NFATC2: variants seen among roughly 807,000 people sequenced by gnomAD.
The protein encoded by NFATC2 is nuclear factor of activated T-cells, cytoplasmic 2.
Under a neutral mutation model 87.3 loss-of-function variants are expected in NFATC2, and 22 were observed. The observed-to-expected ratio is 0.25, with a 90% CI of 0.18 to 0.36. The LOEUF is 0.36. Among genes scored for constraint, NFATC2 ranks in the 10% least tolerant of loss-of-function variants. The probability of loss-of-function intolerance (pLI) is 1.00; values close to 1 mark genes in which losing one functional copy is unlikely to be tolerated. For missense variants in NFATC2, 1,149 were observed against 1,259.1 expected (o/e 0.91, Z 1.32); for synonymous variants, 565 against 542.2 (o/e 1.04, Z -0.58).
At chr20:51,488,626 C>G (rs1052878584) in intron 3 of NFATC2, among the ~76,000 whole-genome samples, 2 of 151,902 alleles carry the variant, frequency 1.3e-5, no homozygotes, top group Admixed American at 6.5e-5. Flanking sequence ...GAAACCCTAT[C>G]CCTTGTCCAT....
At chr20:51,440,236 C>CAAAAAAAAAAAAAAAAAA (rs34071345) in intron 6 of NFATC2, among the ~76,000 whole-genome samples, 2 of 97,206 alleles carry the variant, frequency 2.1e-5, no homozygotes, top group African/African-American at 5.0e-5. Flanking sequence ...AACTCCATCT[C>CAAAAAAAAAAAAAAAAAA]AAAAAAAAAA....
At chr20:51,456,507 G>T (rs930798101) in intron 5 of NFATC2, among the ~76,000 whole-genome samples, 1 of 152,196 alleles carries the variant, frequency 6.6e-6, no homozygotes, top group Non-Finnish European at 1.5e-5. Flanking sequence ...AAGCCAGGCT[G>T]CAGAAAAGAA....
intron 3 of NFATC2, among the ~76,000 whole-genome samples, chr20:51,497,894 G>A (rs1022636021): frequency 6.6e-6 from 1 of 152,044 alleles, no homozygotes; most frequent in African/African-American, 2.4e-5. Flanking sequence ...AGCCCCCGGG[G>A]GAACTCAGAG....
intron 9 of NFATC2, among the ~76,000 whole-genome samples, chr20:51,427,897 G>A (rs1447816475): frequency 2.0e-5 from 3 of 152,194 alleles, no homozygotes; most frequent in Non-Finnish European, 4.4e-5. Flanking sequence ...CTTACTTACT[G>A]CCTTCCATGC....
chr20:51,551,268 C>CA (rs917288980), intron 1 of NFATC2, among the ~76,000 whole-genome samples: 64 of 149,960 alleles, frequency 4.3e-4, no homozygotes, highest in South Asian at 4.0e-3. Context: ...AAAATGAATG[C>CA]AAAAAAAAAT....
chr20:51,484,697 T>A (rs534860190), intron 3 of NFATC2, among the ~76,000 whole-genome samples: 2 of 152,350 alleles, frequency 1.3e-5, no homozygotes, highest in South Asian at 4.1e-4. Context: ...GCGACCATTG[T>A]GTCACAGAGC....
At chr20:51,537,774 A>G (rs2076744114) in intron 1 of NFATC2, among the ~76,000 whole-genome samples, 1 of 151,950 alleles carries the variant, frequency 6.6e-6, no homozygotes, top group Non-Finnish European at 1.5e-5. Flanking sequence ...CCCCATCAGG[A>G]CTCCCACATC....
intron 10 of NFATC2, among the ~76,000 whole-genome samples, chr20:51,392,342 G>A (rs1427478390): frequency 1.3e-5 from 2 of 152,152 alleles, no homozygotes; most frequent in Admixed American, 1.3e-4. Flanking sequence ...AGTATGTGTG[G>A]AGTTCCTAGC....
intron 3 of NFATC2, among the ~76,000 whole-genome samples, chr20:51,503,190 T>C (rs1344452269): frequency 6.6e-6 from 1 of 152,342 alleles, no homozygotes; most frequent in Non-Finnish European, 1.5e-5. Flanking sequence ...GACCTTGCCC[T>C]GTACACAGCT....
At chr20:51,492,106 A>C (rs987456362) in intron 3 of NFATC2, among the ~76,000 whole-genome samples, 1 of 151,740 alleles carries the variant, frequency 6.6e-6, no homozygotes, top group Admixed American at 6.6e-5. Context: ...AAATCCTACA[A>C]ACCAAATCAC....
At chr20:51,437,530 C>T (rs1260393355) in intron 6 of NFATC2, among the ~76,000 whole-genome samples, 1 of 152,152 alleles carries the variant, frequency 6.6e-6, no homozygotes, top group African/African-American at 2.4e-5. Flanking sequence ...TAAGATTCAC[C>T]CAGCGAAATC....
In NFATC2 at chr20:51,562,542, G is replaced by A; in HGVS notation, c.70+18C>T. The A allele has an allele frequency of 6.5e-7, 1 of 1,547,716 alleles. No individual in the cohort carries two copies. Among genetic ancestry groups the A allele is most frequent in the Non-Finnish European group, 8.7e-7 (1 of 1,143,728 alleles). On this transcript the variant is annotated intron_variant, in intron 1 of 10. Coordinates refer to the NFATC2 transcript ENST00000414705. The surrounding 1 kb of genome is among the most constrained non-coding windows in gnomAD (Gnocchi z 5.8). Reference sequence around the variant, plus strand: ...AGGAGCGAGCGGAAAAGGCTGGAAGGGATCGAGAGTCAGTTACCTTGGTCC... The same window carrying A: ...AGGAGCGAGCGGAAAAGGCTGGAAGAGATCGAGAGTCAGTTACCTTGGTCC...
rs932126339 is a variant in NFATC2 at position 51,388,259 on chromosome 20, T to C, written c.*3237A>G. 2.6e-5 allele frequency: 4 copies of C among 152,206 alleles called. No individual in the cohort carries two copies. The highest frequency in any genetic ancestry group is 3.4e-3 in the Middle Eastern group (1 of 294). The allele number at this position is 152,206 out of a possible 1,614,324, so 9.4% of individuals were successfully genotyped here. A position where few individuals can be genotyped will look rare whatever the true frequency, so the allele number is the denominator to read the frequency against. Reference sequence around the variant, plus strand: ...TTAAAATCAAAATCACCTACTAAATTAGTTATTTTGGGGGGAGGATCTAGA... The same window carrying C: ...TTAAAATCAAAATCACCTACTAAATCAGTTATTTTGGGGGGAGGATCTAGA... On this transcript the variant is annotated 3_prime_UTR_variant, in exon 11 of 11. Transcript: ENST00000371564.
chr20:51,505,968 G>A (rs8120952), intron 3 of NFATC2, among the ~76,000 whole-genome samples: 3,600 of 152,248 alleles, frequency 0.024, 131 homozygotes, highest in African/African-American at 0.081. Context: ...AGCATATCTT[G>A]AGCTCTCATC....
In NFATC2 at chr20:51,432,561, T is replaced by G; in HGVS notation, c.2228A>C (p.Gln743Pro). ...TGLSSPDARY[Q>P]QQNPAAVLYQ... is the part of the protein sequence containing the mutation. ...GAGTACGGCCGCTGGGTTCTGTTGC[T>G]GGTAGCGGGCGTCAGGGGATGAGAG... The change falls in exon 9 of 11, where the codon CAG becomes CCG. Residue 743 changes from glutamine to proline, a missense_variant. Transcript: ENST00000371564. The surrounding 1 kb of genome is among the most constrained non-coding windows in gnomAD (Gnocchi z 4.6). 1.3e-6 allele frequency: 2 copies of G among 1,539,556 alleles called. No individual in the cohort carries two copies. Among genetic ancestry groups the G allele is most frequent in the South Asian group, 1.3e-5 (1 of 78,772 alleles).
intron 6 of NFATC2, among the ~76,000 whole-genome samples, chr20:51,438,151 A>G (rs1053597093): frequency 6.6e-6 from 1 of 152,206 alleles, no homozygotes; most frequent in Non-Finnish European, 1.5e-5. Flanking sequence ...TTTGTCAAAG[A>G]CAAGTCAAAG....
chr20:51,474,171 C>T lies in NFATC2; in HGVS notation c.1536-19G>A, dbSNP rs751323172. 1 of 1,611,770 alleles carries T rather than the reference C, an allele frequency of 6.2e-7. No homozygotes were observed. The highest frequency in any genetic ancestry group is 1.1e-5 in the South Asian group (1 of 90,850). ...GTCGATGCTGCCAGGATGTTAAGAACCCCATTGTCACCAACTACCTTCAGG... is the reference window on the plus strand; with the variant it reads ...GTCGATGCTGCCAGGATGTTAAGAATCCCATTGTCACCAACTACCTTCAGG... On this transcript the variant is annotated intron_variant, in intron 4 of 10. Coordinates refer to ENST00000371564, the MANE Select transcript of NFATC2 (RefSeq NM_012340.5).
chr20:51,410,522 AATTT>A (rs1420978399), intron 9 of NFATC2, among the ~76,000 whole-genome samples: 1 of 152,006 alleles, frequency 6.6e-6, no homozygotes, highest in Non-Finnish European at 1.5e-5. Flanking sequence ...TAATAAAAGC[AATTT>A]ATTATTTAAA....
chr20:51,504,051 T>C (rs2076135622), intron 3 of NFATC2, among the ~76,000 whole-genome samples: 1 of 149,596 alleles, frequency 6.7e-6, no homozygotes, highest in African/African-American at 2.5e-5. Flanking sequence ...AGATGGAGTC[T>C]TGCTCCTGTT....
Sources: allele counts gnomAD v4.1 joint callset (sites outside exome capture counted in the v4.1 genomes callset), GRCh38; gene constraint gnomAD v4.1.1; non-coding constraint Gnocchi (gnomAD v3.1); transcripts MANE v1.5; gene names NCBI Gene and HGNC (gene_info 2026-07-23, HGNC 2026-07-21).